CSMD1: variants seen among roughly 807,000 people sequenced by gnomAD.
The protein encoded by CSMD1 is CUB and sushi domain-containing protein 1.
Under a neutral mutation model 417.5 loss-of-function variants are expected in CSMD1, and 213 were observed. That is an observed-to-expected ratio of 0.51 (90% confidence interval 0.46 to 0.57). The LOEUF (loss-of-function observed/expected upper bound fraction) is 0.57, where lower values mean the gene tolerates loss of function less well. Among genes scored for constraint, CSMD1 ranks in the 20% least tolerant of loss-of-function variants. The pLI is 0.00. For missense variants in CSMD1, 6,923 were observed against 4,529.7 expected (o/e 1.53, Z -15.17); for synonymous variants, 2,862 against 1,736.8 (o/e 1.65, Z -16.11).
intron 63 of CSMD1, 120 bp downstream of exon 63, chr8:2,957,576 G>T: frequency 1.4e-6 from 1 of 701,894 alleles, no homozygotes; most frequent in Non-Finnish European, 2.4e-6. Context: ...GAGGACATCC[G>T]AAAATTTAGG....
At chr8:3,500,525 G>T (rs1011727504) in intron 10 of CSMD1, among the ~76,000 whole-genome samples, 2 of 152,136 alleles carry the variant, frequency 1.3e-5, no homozygotes, top group African/African-American at 4.8e-5. Context: ...GAATGAGGAT[G>T]AGCTGCAGTC....
intron 47 of CSMD1, among the ~76,000 whole-genome samples, chr8:3,095,321 T>C (rs1022845606): frequency 7.2e-5 from 11 of 152,184 alleles, no homozygotes; most frequent in African/African-American, 2.2e-4. Flanking sequence ...AGGCCTCAAA[T>C]AGAGTTTACC....
intron 17 of CSMD1, among the ~76,000 whole-genome samples, chr8:3,388,105 G>T (rs1456540501): frequency 1.3e-5 from 2 of 151,950 alleles, no homozygotes; most frequent in Admixed American, 1.3e-4. Flanking sequence ...TTAGATTTTG[G>T]CAGTTTAACT....
intron 1 of CSMD1, among the ~76,000 whole-genome samples, chr8:4,709,608 G>C (rs990768936): frequency 6.6e-6 from 1 of 152,196 alleles, no homozygotes; most frequent in East Asian, 1.9e-4. Flanking sequence ...CCAAAGGCAA[G>C]AAACAAATAT....
chr8:4,408,811 C>G (rs1488126688), intron 3 of CSMD1, among the ~76,000 whole-genome samples: 2 of 152,050 alleles, frequency 1.3e-5, no homozygotes, highest in Non-Finnish European at 2.9e-5. Flanking sequence ...AAAAATAGCA[C>G]AATAAAGGGG....
intron 18 of CSMD1, among the ~76,000 whole-genome samples, chr8:3,371,683 C>G (rs1809959227): frequency 6.6e-6 from 1 of 152,096 alleles, no homozygotes; most frequent in South Asian, 2.1e-4. Flanking sequence ...AAAGATGTGA[C>G]TAGCCTCATC....
intron 1 of CSMD1, among the ~76,000 whole-genome samples, chr8:4,928,975 G>C (rs1294973282): frequency 6.6e-6 from 1 of 152,098 alleles, no homozygotes; most frequent in Admixed American, 6.5e-5. Context: ...GAAGGCTGAA[G>C]CATAAGAGTC....
At chr8:3,548,727 T>C (rs138799565) in intron 10 of CSMD1, among the ~76,000 whole-genome samples, 114 of 149,000 alleles carry the variant, frequency 7.7e-4, no homozygotes, top group Non-Finnish European at 1.4e-3. Flanking sequence ...CACTCATTGA[T>C]TGATAGGAAT....
chr8:4,513,435 A>T (rs550344886), intron 2 of CSMD1, among the ~76,000 whole-genome samples: 1 of 152,310 alleles, frequency 6.6e-6, no homozygotes, highest in African/African-American at 2.4e-5. Flanking sequence ...GATCATGTTC[A>T]AAGCATGTTA....
chr8:3,247,647 A>C (rs534598666), intron 26 of CSMD1, among the ~76,000 whole-genome samples: 1 of 152,270 alleles, frequency 6.6e-6, no homozygotes, highest in East Asian at 1.9e-4. Flanking sequence ...GTCAGCAGGC[A>C]AGGCCCCCGC....
intron 5 of CSMD1, among the ~76,000 whole-genome samples, chr8:3,962,118 C>G (rs1030934026): frequency 6.6e-6 from 1 of 152,142 alleles, no homozygotes; most frequent in East Asian, 1.9e-4. Flanking sequence ...GGACCTTCCT[C>G]CTCTTTCTGT....
intron 16 of CSMD1, among the ~76,000 whole-genome samples, chr8:3,397,300 G>C (rs1022599841): frequency 7.2e-5 from 11 of 152,194 alleles, no homozygotes; most frequent in African/African-American, 2.7e-4. Flanking sequence ...GCTGGATGTT[G>C]CTGATGAATT....
chr8:3,904,897 A>G (rs998964164), intron 5 of CSMD1, among the ~76,000 whole-genome samples: 1 of 152,116 alleles, frequency 6.6e-6, no homozygotes, highest in Non-Finnish European at 1.5e-5. Context: ...TCCGCCTCCC[A>G]AAGGGCTGAG....
intron 4 of CSMD1, among the ~76,000 whole-genome samples, chr8:4,026,227 G>A (rs1797058037): frequency 6.6e-6 from 1 of 152,096 alleles, no homozygotes; most frequent in African/African-American, 2.4e-5. Context: ...GAGAAACTGT[G>A]CTGCATCATT....
At chr8:4,787,755 A>C (rs2117218164) in intron 1 of CSMD1, 2 of 1,588,614 alleles carry the variant, frequency 1.3e-6, no homozygotes, top group Non-Finnish European at 1.7e-6. Flanking sequence ...TGATTGCTGC[A>C]AAATTTTGCT....
rs546554385 is a variant in CSMD1, at chr8:3,892,383, T to C, written c.818+105520A>G. On this transcript the variant is annotated intron_variant, in intron 5 of 69. Coordinates refer to ENST00000635120, the MANE Select transcript of CSMD1 (RefSeq NM_033225.6). ...AACGTATTATGCTTTCTATGTGTTA[T>C]CCTTTACCTACACAGATCATCAAGG... Among the ~76,000 whole-genome samples the C allele has an allele frequency of 1.2e-4, 18 of 152,206 alleles. 1 individual carries two copies. The South Asian group carries it at 3.3e-3, about 28-fold the overall frequency.
chr8:4,407,617 A>G (rs780638553), intron 3 of CSMD1, among the ~76,000 whole-genome samples: 12 of 152,202 alleles, frequency 7.9e-5, no homozygotes, highest in African/African-American at 1.9e-4. Context: ...AGTGTTAAAT[A>G]TATTGGAATT....
chr8:3,960,688 A>T (rs1354003322), intron 5 of CSMD1, among the ~76,000 whole-genome samples: 1 of 151,944 alleles, frequency 6.6e-6, no homozygotes, highest in Non-Finnish European at 1.5e-5. Flanking sequence ...TTTTATAAAG[A>T]TAAATTTAAT....
At chr8:4,108,013 A>C (rs1030528036) in intron 3 of CSMD1, among the ~76,000 whole-genome samples, 1 of 151,590 alleles carries the variant, frequency 6.6e-6, no homozygotes, top group Non-Finnish European at 1.5e-5. Context: ...GAAAGACAGA[A>C]AGACTGCAGG....
Sources: allele counts gnomAD v4.1 joint callset (sites outside exome capture counted in the v4.1 genomes callset), GRCh38; gene constraint gnomAD v4.1.1; transcripts MANE v1.5; gene names NCBI Gene and HGNC (gene_info 2026-07-23, HGNC 2026-07-21).